The following RAB2A variants were observed in gnomAD, a reference collection of about 807,000 sequenced individuals.
RAB2A encodes the protein RAB2A, member RAS oncogene family.
Under a neutral mutation model 32.5 loss-of-function variants are expected in RAB2A, and 7 were observed. The observed-to-expected ratio is 0.22, with a 90% CI of 0.12 to 0.40. The LOEUF (loss-of-function observed/expected upper bound fraction) is 0.40. Among genes scored for constraint, RAB2A ranks in the 10% least tolerant of loss-of-function variants. The pLI is 1.00. For missense variants in RAB2A, 108 were observed against 260.7 expected (o/e 0.41, Z 4.03); for synonymous variants, 79 against 85.2 (o/e 0.93, Z 0.40).
chr8:60,589,942 C>G (rs1803913955), intron 5 of RAB2A, among the ~76,000 whole-genome samples: 3 of 151,988 alleles, frequency 2.0e-5, no homozygotes, highest in Non-Finnish European at 2.9e-5. Context: ...GTGATAGACT[C>G]TGATATTTTA....
chr8:60,596,626 A>T (rs957585628), intron 6 of RAB2A, among the ~76,000 whole-genome samples: 2 of 152,236 alleles, frequency 1.3e-5, no homozygotes, highest in Non-Finnish European at 2.9e-5. Context: ...GGCAATCATT[A>T]AAAAGTGAGG....
intron 1 of RAB2A, among the ~76,000 whole-genome samples, chr8:60,518,735 CT>C (rs1457902106): frequency 3.4e-5 from 5 of 149,000 alleles, no homozygotes; most frequent in Non-Finnish European, 5.9e-5. Flanking sequence ...GATTTGTAAA[CT>C]TTAAAAGAAA....
chr8:60,522,956 A>T (rs1563457254), intron 1 of RAB2A, among the ~76,000 whole-genome samples: 2 of 152,152 alleles, frequency 1.3e-5, no homozygotes, highest in Admixed American at 1.3e-4. Flanking sequence ...CAGAAGTACT[A>T]GTCATTTTAT....
At chr8:60,575,092 G>GTTT (rs1563474748) in intron 3 of RAB2A, among the ~76,000 whole-genome samples, 19 of 120,950 alleles carry the variant, frequency 1.6e-4, no homozygotes, top group African/African-American at 6.6e-4. Flanking sequence ...TTTTTTTGGG[G>GTTT]GTTTTTTTTT....
chr8:60,524,237 A>G (rs1273591946), intron 1 of RAB2A, among the ~76,000 whole-genome samples: 2 of 151,852 alleles, frequency 1.3e-5, no homozygotes, highest in Non-Finnish European at 2.9e-5. Context: ...TATCTCCCCA[A>G]CTGCTTCCCT....
intron 6 of RAB2A, among the ~76,000 whole-genome samples, chr8:60,598,464 C>G (rs973579892): frequency 3.3e-5 from 5 of 152,008 alleles, no homozygotes; most frequent in African/African-American, 1.2e-4. Flanking sequence ...AAACCAATAG[C>G]CTTTATAAAT....
rs143589329 is a variant in RAB2A at position 60,549,650 on chromosome 8, T to C, written c.47-9202T>C. ...CACAGGCCTTGTTCTTGGTGCAGAATGAAAGCCATTGGCAGGAGATAGTTT... is the reference window on the plus strand; with the variant it reads ...CACAGGCCTTGTTCTTGGTGCAGAACGAAAGCCATTGGCAGGAGATAGTTT... On this transcript the variant is annotated intron_variant, in intron 1 of 7. Coordinates refer to ENST00000262646, the MANE Select transcript of RAB2A (RefSeq NM_002865.3). Among the ~76,000 whole-genome samples, 622 of 152,230 alleles carry C rather than the reference T, an allele frequency of 4.1e-3. 3 individuals carry two copies. Among genetic ancestry groups the C allele is most frequent in the African/African-American group, 0.014 (590 of 41,550 alleles).
At position 60,620,771 on chromosome 8, in the gene RAB2A, TCTGTTTTTA is replaced by T. The variant is rs773689103; in HGVS notation, c.*7_*15del. 6 of 1,612,346 alleles carry T rather than the reference TCTGTTTTTA, an allele frequency of 3.7e-6. No homozygotes were observed. The highest frequency in any genetic ancestry group is 5.1e-6 in the Non-Finnish European group (6 of 1,179,472). ...CAGGCTGGGGGCGGCTGCTGTTGAG[TCTGTTTTTA>T]CTGTCTAGCTGCCCAACGGGGCCTA... On this transcript the variant is annotated 3_prime_UTR_variant, in exon 8 of 8. Transcript: ENST00000262646.
chr8:60,566,832 G>A (rs1477045502), intron 2 of RAB2A, among the ~76,000 whole-genome samples: 2 of 152,040 alleles, frequency 1.3e-5, no homozygotes, highest in Non-Finnish European at 2.9e-5. Context: ...CCATTGTTTA[G>A]CTCCTACTTT....
At chr8:60,539,696 A>C (rs1807610318) in intron 1 of RAB2A, among the ~76,000 whole-genome samples, 1 of 152,226 alleles carries the variant, frequency 6.6e-6, no homozygotes, top group South Asian at 2.1e-4. Context: ...AAGGGCTCTG[A>C]CTGAGGAACT....
intron 6 of RAB2A, among the ~76,000 whole-genome samples, chr8:60,604,863 TG>T (rs1485039854): frequency 6.6e-6 from 1 of 152,122 alleles, no homozygotes; most frequent in Non-Finnish European, 1.5e-5. Flanking sequence ...AGCCTGGCCA[TG>T]TGGTAGAAAA....
At chr8:60,558,435 C>T (rs1807970585) in intron 1 of RAB2A, 1 of 513,326 alleles carries the variant, frequency 1.9e-6, no homozygotes, top group African/African-American at 1.9e-5. Context: ...AGATCTCAGA[C>T]ACTTATTGCT....
chr8:60,574,138 T>C (rs1369117391), intron 3 of RAB2A, among the ~76,000 whole-genome samples: 2 of 152,256 alleles, frequency 1.3e-5, no homozygotes, highest in Non-Finnish European at 1.5e-5. Context: ...GTTTTTTGTT[T>C]TCTTTTCCAT....
Position 60,546,988 on chromosome 8 carries a change from A to C in RAB2A, c.47-11864A>C, listed in dbSNP as rs542397261. Among the ~76,000 whole-genome samples the C allele has an allele frequency of 2.7e-5, 4 of 147,268 alleles. No homozygotes were observed. The South Asian group carries it at 8.6e-4, about 32-fold the overall frequency. On this transcript the variant is annotated intron_variant, in intron 1 of 7. Transcript: ENST00000262646. ...ACAGGACAATAGTGGAGGGAAGGTC[A>C]GCAGATAAACAAGTGAACAAAGGTC...
intron 6 of RAB2A, among the ~76,000 whole-genome samples, chr8:60,600,494 G>T (rs566173821): frequency 6.6e-6 from 1 of 152,302 alleles, no homozygotes; most frequent in South Asian, 2.1e-4. Flanking sequence ...TGGAAAAATG[G>T]CAGTTTCTTT....
chr8:60,559,653 C>T (rs1242100903), intron 2 of RAB2A, among the ~76,000 whole-genome samples: 1 of 152,130 alleles, frequency 6.6e-6, no homozygotes, highest in Non-Finnish European at 1.5e-5. Flanking sequence ...AAATTATATT[C>T]TGAAAGCTGA....
At chr8:60,595,234 A>C (rs1804003962) in intron 6 of RAB2A, among the ~76,000 whole-genome samples, 1 of 152,236 alleles carries the variant, frequency 6.6e-6, no homozygotes, top group Non-Finnish European at 1.5e-5. Context: ...AGTCTTGCAA[A>C]TTATGTTTGA....
At chr8:60,525,932 T>C (rs1807370869) in intron 1 of RAB2A, among the ~76,000 whole-genome samples, 1 of 147,898 alleles carries the variant, frequency 6.8e-6, no homozygotes, top group South Asian at 2.1e-4. Context: ...AATAAAGATA[T>C]ATATATATGT....
At position 60,522,633 on chromosome 8, in the gene RAB2A, T is replaced by G. The variant is rs79367200; in HGVS notation, c.46+5380T>G. Among the ~76,000 whole-genome samples the G allele has an allele frequency of 2.0e-3, 304 of 152,218 alleles. 1 individual carries two copies. Among genetic ancestry groups the G allele is most frequent in the East Asian group, 0.015 (80 of 5,182 alleles). On this transcript the variant is annotated intron_variant, in intron 1 of 7. Transcript: ENST00000262646. ...GGGTTATTTTATTGAAGAATAAATG[T>G]GAGTGTGTGTTTGTATTTTAAGATA...
Sources: allele counts gnomAD v4.1 joint callset (sites outside exome capture counted in the v4.1 genomes callset), GRCh38; gene constraint gnomAD v4.1.1; transcripts MANE v1.5; gene names NCBI Gene and HGNC (gene_info 2026-07-23, HGNC 2026-07-21).